Variants in ABCC5 observed in about 807,000 individuals in gnomAD.
The protein encoded by ABCC5 is ATP binding cassette subfamily C member 5.
In ABCC5, 61 loss-of-function variants were observed where a neutral mutation model predicts 160.9. The observed-to-expected ratio is 0.38, with a 90% CI of 0.31 to 0.47. The LOEUF (loss-of-function observed/expected upper bound fraction) is 0.47. Ranked by LOEUF, ABCC5 falls within the 20% of genes least tolerant of loss-of-function variation. The pLI is 0.99. For synonymous variants in ABCC5, 666 were observed against 700.6 expected (o/e 0.95, Z 0.78); for missense variants, 1,308 against 1,813.3 (o/e 0.72, Z 5.06).
At chr3:183,943,664 G>C (rs968802817) in intron 24 of ABCC5, among the ~76,000 whole-genome samples, 2 of 152,104 alleles carry the variant, frequency 1.3e-5, no homozygotes, top group Admixed American at 6.5e-5. Flanking sequence ...GTAGCACTCT[G>C]GGGGGTTAAG....
intron 9 of ABCC5, 93 bp downstream of exon 9, chr3:183,978,410 C>A: frequency 2.0e-6 from 3 of 1,489,376 alleles, no homozygotes; most frequent in East Asian, 2.3e-5. Flanking sequence ...CTCACTGTAA[C>A]CTCCACCACC....
At chr3:183,943,275 A>C (rs1468291501) in intron 24 of ABCC5, among the ~76,000 whole-genome samples, 1 of 152,172 alleles carries the variant, frequency 6.6e-6, no homozygotes, top group Non-Finnish European at 1.5e-5. Flanking sequence ...TTTTTACTGA[A>C]ATTCTTTGAG....
chr3:183,947,542 A>C, intron 22 of ABCC5, 32 bp from the exon 23 acceptor site: 2 of 1,547,818 alleles, frequency 1.3e-6, no homozygotes, highest in Non-Finnish European at 8.8e-7. Context: ...ATGGGCAAAG[A>C]AAGTACTACA....
chr3:183,928,108 G>A (rs1172423257), intron 27 of ABCC5, among the ~76,000 whole-genome samples: 1 of 138,690 alleles, frequency 7.2e-6, no homozygotes, highest in Non-Finnish European at 1.5e-5. Flanking sequence ...AATATGTTAT[G>A]TATCTTTTTT....
At chr3:183,924,293 TA>T (rs1331375162) in intron 29 of ABCC5, among the ~76,000 whole-genome samples, 2 of 152,176 alleles carry the variant, frequency 1.3e-5, no homozygotes, top group South Asian at 4.1e-4. Flanking sequence ...CTGCTGGGAT[TA>T]CAGGCATGAG....
At chr3:184,007,146 G>A (rs887190529) in intron 2 of ABCC5, among the ~76,000 whole-genome samples, 3 of 146,834 alleles carry the variant, frequency 2.0e-5, no homozygotes, top group Admixed American at 6.9e-5. Context: ...TCAGTCTCCC[G>A]AGTAGCTGGG....
At chr3:183,925,914 C>T (rs962385463) in intron 28 of ABCC5, among the ~76,000 whole-genome samples, 195 bp from the exon 29 acceptor site, 25 of 149,880 alleles carry the variant, frequency 1.7e-4, no homozygotes, top group Non-Finnish European at 3.3e-4. Flanking sequence ...TCTCGGCTCA[C>T]TGCAAGCTCC....
At chr3:183,996,171 T>A (rs1367356721) in intron 2 of ABCC5, among the ~76,000 whole-genome samples, 1 of 152,162 alleles carries the variant, frequency 6.6e-6, no homozygotes, top group Non-Finnish European at 1.5e-5. Flanking sequence ...TGGCAAGCAA[T>A]CCATCAGTAT....
At chr3:183,962,506 T>A (rs1010354906) in intron 15 of ABCC5, among the ~76,000 whole-genome samples, 1 of 151,304 alleles carries the variant, frequency 6.6e-6, no homozygotes, top group Non-Finnish European at 1.5e-5. Flanking sequence ...TGACATAGTA[T>A]AAGGAGCAGT....
intron 12 of ABCC5, among the ~76,000 whole-genome samples, chr3:183,966,422 G>A (rs1407664340): frequency 6.6e-6 from 1 of 152,190 alleles, no homozygotes; most frequent in Non-Finnish European, 1.5e-5. Context: ...TACAGTTAAA[G>A]CAGGGCTGAC....
At chr3:183,959,426 A>G (rs916611745) in intron 17 of ABCC5, among the ~76,000 whole-genome samples, 4 of 152,140 alleles carry the variant, frequency 2.6e-5, no homozygotes, top group Non-Finnish European at 5.9e-5. Flanking sequence ...GGAAGGGTGT[A>G]CCTGTACCCA....
intron 22 of ABCC5, 37 bp from the exon 23 acceptor site, chr3:183,947,547 A>G: frequency 1.0e-5 from 16 of 1,527,342 alleles, no homozygotes; most frequent in Non-Finnish European, 1.4e-5. Flanking sequence ...CAAAGAAAGT[A>G]CTACACAACC....
At chr3:184,008,829 C>G (rs898095687) in intron 2 of ABCC5, among the ~76,000 whole-genome samples, 2 of 152,134 alleles carry the variant, frequency 1.3e-5, no homozygotes, top group African/African-American at 4.8e-5. Flanking sequence ...CTTCTGACTT[C>G]TGTTTGACAC....
At chr3:183,938,086 G>A (rs192744106) in intron 25 of ABCC5, 26 bp from the exon 26 acceptor site, 1 of 1,610,134 alleles carries the variant, frequency 6.2e-7, no homozygotes, top group East Asian at 2.2e-5. Flanking sequence ...ACATGCAAGA[G>A]AGGAGCTGTT....
At chr3:183,977,736 C>A in intron 9 of ABCC5, 112 bp from the exon 10 acceptor site, 1 of 691,186 alleles carries the variant, frequency 1.4e-6, no homozygotes, top group Non-Finnish European at 2.4e-6. Flanking sequence ...TCACGGTCAG[C>A]TGTTATTACA....
intron 29 of ABCC5, among the ~76,000 whole-genome samples, chr3:183,922,521 T>G (rs956469429): frequency 6.6e-6 from 1 of 152,216 alleles, no homozygotes; most frequent in Non-Finnish European, 1.5e-5. Flanking sequence ...GAGCTCAGAA[T>G]GTCTAGTTGT....
At chr3:183,973,069 T>A (rs1717910042) in intron 10 of ABCC5, among the ~76,000 whole-genome samples, 1 of 134,422 alleles carries the variant, frequency 7.4e-6, no homozygotes, top group Non-Finnish European at 1.6e-5. Flanking sequence ...TTTTTTTTTT[T>A]GGTGAGATGG....
At chr3:183,927,258 C>A in intron 28 of ABCC5, 72 bp downstream of exon 28, 1 of 1,465,172 alleles carries the variant, frequency 6.8e-7, no homozygotes, top group Non-Finnish European at 9.4e-7. Context: ...ACCTTTGGAC[C>A]CCAGTGTGTC....
chr3:183,922,594 T>C (rs1439389965), intron 29 of ABCC5, among the ~76,000 whole-genome samples: 1 of 152,212 alleles, frequency 6.6e-6, no homozygotes, highest in Non-Finnish European at 1.5e-5. Flanking sequence ...GATGGACTTC[T>C]ATGTAGCCGT....
Sources: gnomAD v4.1 joint callset for allele counts (sites outside exome capture counted in the v4.1 genomes callset) on GRCh38, gnomAD v4.1.1 for gene constraint, MANE v1.5 for transcripts, NCBI Gene and HGNC (gene_info 2026-07-23, HGNC 2026-07-21) for gene names.